The following PHF21A variants were observed in gnomAD, a reference collection of about 807,000 sequenced individuals.
The protein encoded by PHF21A is BHC80a.
PHF21A carries 11 observed loss-of-function variants against 82.5 expected under a neutral mutation model. The observed-to-expected ratio is 0.13, with a 90% CI of 0.08 to 0.22. The LOEUF is 0.22. Among genes scored for constraint, PHF21A ranks in the 10% least tolerant of loss-of-function variants. PHF21A has a pLI of 1.00. For synonymous variants in PHF21A, 297 were observed against 302.8 expected, an observed-to-expected ratio of 0.98 and a Z score of 0.20; for missense variants, 579 against 837.8, an observed-to-expected ratio of 0.69 and a Z score of 3.81.
intron 6 of PHF21A, among the ~76,000 whole-genome samples, chr11:46,076,274 CA>C (rs2096724434): frequency 6.6e-6 from 1 of 152,164 alleles, no homozygotes; most frequent in Non-Finnish European, 1.5e-5. Flanking sequence ...AATAGTAGGT[CA>C]ATATCTAATA....
At chr11:46,119,784 G>A (rs1185730579) in intron 1 of PHF21A, 1 of 150,876 alleles carries the variant, frequency 6.6e-6, no homozygotes, top group Non-Finnish European at 1.5e-5. Context: ...CCGCTCAGCA[G>A]AATAAAGAGA....
chr11:46,097,934 T>C (rs2097024394), intron 1 of PHF21A, among the ~76,000 whole-genome samples: 1 of 152,200 alleles, frequency 6.6e-6, no homozygotes, highest in Non-Finnish European at 1.5e-5. Context: ...TCACAGGCCC[T>C]ACCCTTAAAG....
intron 3 of PHF21A, among the ~76,000 whole-genome samples, chr11:46,089,109 G>A (rs1215023830): frequency 2.0e-5 from 3 of 152,086 alleles, no homozygotes; most frequent in African/African-American, 7.2e-5. Flanking sequence ...TTTATTTGGT[G>A]TGAAACTCCT....
intron 6 of PHF21A, among the ~76,000 whole-genome samples, chr11:45,985,306 G>C (rs2094453990): frequency 1.3e-5 from 2 of 152,220 alleles, no homozygotes; most frequent in Admixed American, 6.5e-5. Context: ...CTAAAGAAGA[G>C]GGGATGTGTT....
chr11:46,087,178 A>G (rs1052171191), intron 3 of PHF21A, among the ~76,000 whole-genome samples: 1 of 152,244 alleles, frequency 6.6e-6, no homozygotes, highest in Non-Finnish European at 1.5e-5. Flanking sequence ...AAATATGCAC[A>G]TCTTTTTAAA....
chr11:45,946,184 C>A, intron 14 of PHF21A, 181 bp from the exon 15 acceptor site: 1 of 1,334,228 alleles, frequency 7.5e-7, no homozygotes, highest in South Asian at 1.2e-5. Context: ...ATTTAAATGT[C>A]ATTAGAAACA....
intron 15 of PHF21A, among the ~76,000 whole-genome samples, chr11:45,942,218 G>A (rs1294555389): frequency 1.3e-5 from 2 of 152,136 alleles, no homozygotes; most frequent in Non-Finnish European, 2.9e-5. Context: ...GAAAAAGAAT[G>A]TTTCAATTTT....
chr11:46,012,269 A>G (rs1485176410), intron 6 of PHF21A, among the ~76,000 whole-genome samples: 1 of 152,070 alleles, frequency 6.6e-6, no homozygotes, highest in Non-Finnish European at 1.5e-5. Context: ...ATTACTGACC[A>G]TGCTCTTCTT....
At chr11:45,961,507 ATAT>A (rs1423107568) in intron 10 of PHF21A, among the ~76,000 whole-genome samples, 5 of 152,204 alleles carry the variant, frequency 3.3e-5, no homozygotes, top group Non-Finnish European at 5.9e-5. Flanking sequence ...GCATTGGATA[ATAT>A]TATTATCTTG....
intron 1 of PHF21A, among the ~76,000 whole-genome samples, chr11:46,092,435 T>G (rs1171834867): frequency 6.6e-6 from 1 of 152,180 alleles, no homozygotes; most frequent in Non-Finnish European, 1.5e-5. Context: ...ATTGCTACTT[T>G]TCCATAGTTT....
intron 1 of PHF21A, among the ~76,000 whole-genome samples, chr11:46,108,635 C>A (rs1018179192): frequency 6.6e-6 from 1 of 150,504 alleles, no homozygotes; most frequent in Admixed American, 6.7e-5. Context: ...AGGATGAGAA[C>A]GGAATGACTA....
chr11:45,971,964 T>C (rs1007219998), intron 7 of PHF21A, among the ~76,000 whole-genome samples: 2 of 143,370 alleles, frequency 1.4e-5, no homozygotes, highest in African/African-American at 5.1e-5. Flanking sequence ...ATGTCGCCTC[T>C]GAGGTAGTTA....
chr11:46,003,672 A>G (rs1437439360), intron 6 of PHF21A, among the ~76,000 whole-genome samples: 1 of 152,222 alleles, frequency 6.6e-6, no homozygotes, highest in Non-Finnish European at 1.5e-5. Flanking sequence ...GAAGAGAAGT[A>G]AAGATGGAAG....
chr11:45,987,889 A>G (rs185308322), intron 6 of PHF21A, among the ~76,000 whole-genome samples: 120 of 152,296 alleles, frequency 7.9e-4, no homozygotes, highest in Non-Finnish European at 1.4e-3. Flanking sequence ...TGTTAATATC[A>G]GAATTGTCTT....
chr11:46,089,840 A>G (rs1193618785), intron 3 of PHF21A, among the ~76,000 whole-genome samples: 2 of 151,092 alleles, frequency 1.3e-5, no homozygotes, highest in Non-Finnish European at 3.0e-5. Flanking sequence ...TTAAAAAAGG[A>G]ATCTCTACAC....
At chr11:45,973,850 T>A (rs1484150872) in intron 7 of PHF21A, among the ~76,000 whole-genome samples, 1 of 152,228 alleles carries the variant, frequency 6.6e-6, no homozygotes, top group Non-Finnish European at 1.5e-5. Flanking sequence ...CAGAACTCAC[T>A]GACATGGATT....
At chr11:46,059,472 T>A (rs989228303) in intron 6 of PHF21A, among the ~76,000 whole-genome samples, 2 of 152,294 alleles carry the variant, frequency 1.3e-5, no homozygotes, top group South Asian at 4.1e-4. Context: ...GTCGCCCAGA[T>A]GGGAGTGCAG....
intron 6 of PHF21A, among the ~76,000 whole-genome samples, chr11:46,062,561 T>G (rs776249059): frequency 1.3e-5 from 2 of 152,204 alleles, no homozygotes; most frequent in Non-Finnish European, 2.9e-5. Flanking sequence ...GGGATCTAAA[T>G]TTATAGTTAT....
chr11:46,034,089 A>T (rs2095929997), intron 6 of PHF21A, among the ~76,000 whole-genome samples: 1 of 152,128 alleles, frequency 6.6e-6, no homozygotes, highest in African/African-American at 2.4e-5. Context: ...CTGTGGTTTT[A>T]AATCTCATTT....
Sources: allele counts gnomAD v4.1 joint callset (sites outside exome capture counted in the v4.1 genomes callset), GRCh38; gene constraint gnomAD v4.1.1; transcripts MANE v1.5; gene names NCBI Gene and HGNC (gene_info 2026-07-23, HGNC 2026-07-21).